VPS33A: variants seen among roughly 807,000 people sequenced by gnomAD.
The protein encoded by VPS33A is VPS33A core subunit of CORVET and HOPS complexes.
In VPS33A, 32 loss-of-function variants were observed where a neutral mutation model predicts 71.8. The ratio of observed to expected loss-of-function variants is 0.45; its 90% CI spans 0.34 to 0.60. VPS33A has a LOEUF of 0.60. Ranked by LOEUF, VPS33A falls within the 20% of genes least tolerant of loss-of-function variation. The pLI, the probability that VPS33A is intolerant of heterozygous loss-of-function variation, is 0.02. For missense variants in VPS33A, 625 were observed against 748.5 expected (o/e 0.84, Z 1.92); for synonymous variants, 311 against 292.7 (o/e 1.06, Z -0.64).
At chr12:122,262,008 A>G (rs1395349554) in intron 3 of VPS33A, among the ~76,000 whole-genome samples, 1 of 151,960 alleles carries the variant, frequency 6.6e-6, no homozygotes, top group Non-Finnish European at 1.5e-5. Context: ...TCTCAAAATA[A>G]ATAAATAAAA....
chr12:122,243,341 G>A (rs940253794), intron 7 of VPS33A, among the ~76,000 whole-genome samples: 2 of 151,958 alleles, frequency 1.3e-5, no homozygotes, highest in African/African-American at 4.8e-5. Flanking sequence ...CGCCTCCTAG[G>A]CTCCTACCTC....
rs141123797 is a variant in VPS33A at position 122,259,021 on chromosome 12, G to C, written c.483+2240C>G. Among the ~76,000 whole-genome samples the C allele has an allele frequency of 1.0e-4, 15 of 147,006 alleles. No individual in the cohort carries two copies. The East Asian group carries it at 3.0e-3, about 29-fold the overall frequency. On this transcript the variant is annotated intron_variant, in intron 4 of 12. Coordinates refer to ENST00000267199, the MANE Select transcript of VPS33A (RefSeq NM_022916.6). ...AAAAAAAAAAAAGACAGAATAATAAGTCTGTCCATGTGGATATACAACTGG... is the reference window on the plus strand; with the variant it reads ...AAAAAAAAAAAAGACAGAATAATAACTCTGTCCATGTGGATATACAACTGG...
In VPS33A at chr12:122,230,594, A is replaced by G. The variant is rs1954548155; in HGVS notation, c.*1652T>C. On this transcript the variant is annotated 3_prime_UTR_variant, in exon 13 of 13. Transcript: ENST00000267199. ...GACTCTGTCTCAAACAAACAAAAAC[A>G]AAACAAAACAAAAACCTCCACTAAT... 6.6e-6 allele frequency: 1 copy of G among 152,240 alleles called. No homozygotes were observed. The highest frequency in any genetic ancestry group is 1.5e-5 in the Non-Finnish European group (1 of 68,062). The allele number at this position is 152,240 out of a possible 1,614,324, so 9.4% of individuals were successfully genotyped here.
chr12:122,263,056 G>A (rs547108310), intron 3 of VPS33A, among the ~76,000 whole-genome samples: 11 of 148,502 alleles, frequency 7.4e-5, no homozygotes, highest in Non-Finnish European at 1.2e-4. Flanking sequence ...GCAGTGGCGC[G>A]ATCTCAGCTC....
intron 1 of VPS33A, chr12:122,265,737 A>G: frequency 2.2e-6 from 1 of 454,026 alleles, no homozygotes; most frequent in Non-Finnish European, 4.4e-6. Context: ...TAAGGGGATG[A>G]AGGAGAGGTG....
chr12:122,255,937 G>A (rs1954911777), intron 4 of VPS33A, among the ~76,000 whole-genome samples: 1 of 151,964 alleles, frequency 6.6e-6, no homozygotes, highest in Non-Finnish European at 1.5e-5. Context: ...CTGAGTTACT[G>A]GAATGACAGG....
intron 11 of VPS33A, among the ~76,000 whole-genome samples, chr12:122,234,991 T>G (rs569101803): frequency 2.6e-5 from 4 of 152,226 alleles, no homozygotes; most frequent in African/African-American, 7.2e-5. Flanking sequence ...TCCCACATCT[T>G]TATTTATTTG....
chr12:122,247,948 G>A (rs930656730), intron 6 of VPS33A: 1 of 152,214 alleles, frequency 6.6e-6, no homozygotes, highest in African/African-American at 2.4e-5. Context: ...CCGGGCTGGA[G>A]TGCAGCCGTG....
chr12:122,233,573 G>A (rs1350143606), intron 11 of VPS33A, among the ~76,000 whole-genome samples: 3 of 152,186 alleles, frequency 2.0e-5, no homozygotes, highest in Non-Finnish European at 4.4e-5. Context: ...GCTGAGCAAT[G>A]ATGTGCAATA....
In VPS33A at chr12:122,241,281, T is replaced by C. The variant is rs184160388; in HGVS notation, c.1096+1101A>G. On this transcript the variant is annotated intron_variant, in intron 8 of 12. Transcript: ENST00000267199. ...TAATGAAAAAATTTGAGTTAAAAAA[T>C]GGACCCTTCCTCTCTTTCTCTTTTT... The C allele has an allele frequency of 1.1e-4, 16 of 152,256 alleles. 1 individual carries two copies. Among genetic ancestry groups the C allele is most frequent in the Admixed American group, 9.8e-4 (15 of 15,292 alleles). 9.4% of individuals were successfully genotyped at this position (152,256 alleles called of 1,614,324 possible). A position where few individuals can be genotyped will look rare whatever the true frequency, so the allele number is the denominator to read the frequency against.
rs1954665968 is a variant in VPS33A, at chr12:122,238,770, T to TACATAC, written c.1165-47_1165-46insGTATGT. On this transcript the variant is annotated intron_variant, in intron 9 of 12. Transcript: ENST00000267199. ...ATATACATATACATTTACATATACA[T>TACATAC]ACACACACACACACACACACACACA... The TACATAC allele has an allele frequency of 1.3e-5, 11 of 873,000 alleles. No homozygotes were observed. The South Asian group carries it at 1.5e-4, about 12-fold the overall frequency. 54.1% of individuals were successfully genotyped at this position (873,000 alleles called of 1,614,324 possible).
intron 11 of VPS33A, among the ~76,000 whole-genome samples, chr12:122,235,143 A>G (rs1008566401): frequency 1.3e-5 from 2 of 151,848 alleles, no homozygotes; most frequent in Admixed American, 6.6e-5. Context: ...TTTTTTTTGT[A>G]GAGACAAGGT....
At position 122,239,749 on chromosome 12, in the gene VPS33A, C is replaced by CAAAAA. The variant is rs5801475; in HGVS notation, c.1164+124_1164+128dup. ...GGTGACACACAGTGAGACTCCGTCT[C>CAAAAA]AAAAAAAAAAAAAAAAAAAAAAAAA... On this transcript the variant is annotated intron_variant, in intron 9 of 12. Coordinates refer to ENST00000267199, the MANE Select transcript of VPS33A (RefSeq NM_022916.6). 717 of 197,720 alleles carry CAAAAA rather than the reference C, an allele frequency of 3.6e-3. 59 individuals carry two copies. Among genetic ancestry groups the CAAAAA allele is most frequent in the Middle Eastern group, 4.3e-3 (3 of 698 alleles). The allele number at this position is 197,720 out of a possible 1,614,324, so 12.2% of individuals were successfully genotyped here. A position where few individuals can be genotyped will look rare whatever the true frequency, so the allele number is the denominator to read the frequency against.
rs1397456716 is a variant in VPS33A at position 122,238,441 on chromosome 12, C to CA, written c.1302+145dup. The CA allele has an allele frequency of 6.9e-6, 7 of 1,012,702 alleles. No homozygotes were observed. The East Asian group carries it at 1.2e-4, about 17-fold the overall frequency. 62.7% of individuals were successfully genotyped at this position (1,012,702 alleles called of 1,614,324 possible). On this transcript the variant is annotated intron_variant, in intron 10 of 12. Transcript: ENST00000267199. Reference sequence around the variant, plus strand: ...TTCACCATGTTGGCCAGGCTGGTCTCAAACTCCTAACCTCAAGTGATCCAC... The same window carrying CA: ...TTCACCATGTTGGCCAGGCTGGTCTCAAAACTCCTAACCTCAAGTGATCCAC...
chr12:122,266,202 A>G (rs1004077443), intron 1 of VPS33A, 105 bp downstream of exon 1: 1 of 1,470,002 alleles, frequency 6.8e-7, no homozygotes, highest in African/African-American at 1.4e-5. Flanking sequence ...CCTCCTTGGA[A>G]GCCCCAAGGA....
In VPS33A at chr12:122,238,597, T is replaced by C. The variant is rs1317242174; in HGVS notation, c.1292A>G (p.Glu431Gly). The C allele has an allele frequency of 1.2e-6, 2 of 1,605,554 alleles. No homozygotes were observed. Among genetic ancestry groups the C allele is most frequent in the Non-Finnish European group, 1.7e-6 (2 of 1,177,682 alleles). ...KQKVLDYYKR[E>G]ILQTYGYEHI... ...TAAAAATATACTCACCTGGAGAATC[T>C]CTCTTTTGTAATAATCCAAAACTTT... Residue 431 changes from glutamate (E) to glycine (G), a missense_variant, in exon 10 of 13, where the codon GAG (glutamate) becomes GGG (glycine). Glu to Gly is a moderately conservative substitution (Grantham distance 98, BLOSUM62 -2). Coordinates refer to ENST00000267199, the MANE Select transcript of VPS33A (RefSeq NM_022916.6).
In VPS33A at chr12:122,266,243, G is replaced by A; in HGVS notation, c.102+64C>T. The A allele has an allele frequency of 2.5e-6, 4 of 1,579,030 alleles. No homozygotes were observed. In the South Asian group the frequency reaches 4.5e-5, roughly 18 times the overall value. Reference sequence around the variant, plus strand: ...TAAACCGCGAACTCAGGCGGTCAGGGAACGGATTAAACCAGGCCGGACCAG... The same window carrying A: ...TAAACCGCGAACTCAGGCGGTCAGGAAACGGATTAAACCAGGCCGGACCAG... On this transcript the variant is annotated intron_variant, in intron 1 of 12. Transcript: ENST00000267199.
chr12:122,265,609 C>G, intron 1 of VPS33A: 1 of 365,022 alleles, frequency 2.7e-6, no homozygotes, highest in South Asian at 1.9e-5. Flanking sequence ...GCTTTCTTCT[C>G]TCAAAGGCTG....
chr12:122,253,528 G>C (rs1448683386), intron 4 of VPS33A: 1 of 149,746 alleles, frequency 6.7e-6, no homozygotes, highest in Admixed American at 6.7e-5. Context: ...ACTCCAGCCG[G>C]GGCAACAGAG....
Sources: allele counts gnomAD v4.1 joint callset (sites outside exome capture counted in the v4.1 genomes callset), GRCh38; gene constraint gnomAD v4.1.1; transcripts MANE v1.5; gene names NCBI Gene and HGNC (gene_info 2026-07-23, HGNC 2026-07-21).